Variants in SLC39A14 observed in about 807,000 individuals in gnomAD.
The protein encoded by SLC39A14 is solute carrier family 39 member 14, also known as metal cation symporter ZIP14.
SLC39A14 carries 19 observed loss-of-function variants against 45.5 expected under a neutral mutation model. The observed-to-expected ratio is 0.42, with a 90% CI of 0.29 to 0.61. The LOEUF is 0.61. SLC39A14 is among the 20% of genes least tolerant of loss of function. The pLI is 0.22. For missense variants in SLC39A14, 447 were observed against 616.5 expected, an observed-to-expected ratio of 0.73 and a Z score of 2.91; for synonymous variants, 264 against 251.3, an observed-to-expected ratio of 1.05 and a Z score of -0.48.
chr8:22,408,778 T>C (rs1174958824), intron 3 of SLC39A14, among the ~76,000 whole-genome samples: 1 of 152,062 alleles, frequency 6.6e-6, no homozygotes, highest in African/African-American at 2.4e-5. Flanking sequence ...GCTTTTTGTT[T>C]CATGTTGAAC....
intron 8 of SLC39A14, among the ~76,000 whole-genome samples, chr8:22,419,216 G>A (rs559173045): frequency 4.0e-5 from 6 of 151,876 alleles, no homozygotes; most frequent in African/African-American, 1.5e-4. Context: ...ATGGAGTCTC[G>A]CTCTGTTGCC....
At chr8:22,384,776 A>G (rs1586659468) in intron 1 of SLC39A14, among the ~76,000 whole-genome samples, 3 of 133,852 alleles carry the variant, frequency 2.2e-5, no homozygotes, top group African/African-American at 5.7e-5. Context: ...TTGGCCGGGC[A>G]CGGTGGCTCA....
chr8:22,397,470 C>T (rs1402669399), intron 1 of SLC39A14, among the ~76,000 whole-genome samples: 2 of 151,948 alleles, frequency 1.3e-5, no homozygotes, highest in Non-Finnish European at 2.9e-5. Flanking sequence ...CCCAGCTACT[C>T]GGGAGGCTGA....
intron 1 of SLC39A14, among the ~76,000 whole-genome samples, chr8:22,401,297 T>C (rs1834837575): frequency 6.6e-6 from 1 of 152,172 alleles, no homozygotes; most frequent in South Asian, 2.1e-4. Flanking sequence ...CCTCAGGGCA[T>C]GTGATGCACT....
intron 1 of SLC39A14, among the ~76,000 whole-genome samples, chr8:22,389,145 C>T (rs369979617): frequency 1.3e-5 from 2 of 152,268 alleles, no homozygotes; most frequent in Non-Finnish European, 1.5e-5. Context: ...GGTAGCCCTC[C>T]GACTTCAGTG....
chr8:22,394,637 A>G (rs533843590), intron 1 of SLC39A14, among the ~76,000 whole-genome samples: 1 of 152,130 alleles, frequency 6.6e-6, no homozygotes, highest in African/African-American at 2.4e-5. Context: ...ATTATTTCTT[A>G]TAGGAAGGGT....
Position 22,421,511 on chromosome 8 carries a change from GT to G in SLC39A14, c.*1817del. 1 of 985,606 alleles carries G rather than the reference GT, an allele frequency of 1.0e-6. No individual in the cohort carries two copies. Among genetic ancestry groups the G allele is most frequent in the Non-Finnish European group, 1.2e-6 (1 of 829,772 alleles). 61.1% of individuals were successfully genotyped at this position (985,606 alleles called of 1,614,324 possible). Reference sequence around the variant, plus strand: ...GATTTCCTGGTGGGATTATGGTCCAGTTTTACCAAAGAACCAATTCCTTGAA... The same window carrying G: ...GATTTCCTGGTGGGATTATGGTCCAGTTTACCAAAGAACCAATTCCTTGAA... On this transcript the variant is annotated 3_prime_UTR_variant, in exon 9 of 9. Transcript: ENST00000381237.
rs1836213478 is a variant in SLC39A14, at chr8:22,421,278, A to AT, written c.*1581dup. 9.1e-6 allele frequency: 9 copies of AT among 985,874 alleles called. No individual in the cohort carries two copies. The South Asian group carries it at 3.3e-4, about 36-fold the overall frequency. 61.1% of individuals were successfully genotyped at this position (985,874 alleles called of 1,614,324 possible). A position where few individuals can be genotyped will look rare whatever the true frequency, so the allele number is the denominator to read the frequency against. On this transcript the variant is annotated 3_prime_UTR_variant, in exon 9 of 9. Coordinates refer to ENST00000381237, the MANE Select transcript of SLC39A14 (RefSeq NM_001128431.4). ...ATAGAAAAACTGTCCGCTCTCAGTA[A>AT]TCACAAGCAGCATCCGTTTTGTTTT... is the stretch of plus-strand genomic sequence containing the variant.
At chr8:22,414,697 A>G in intron 4 of SLC39A14, 83 bp from the exon 5 acceptor site, 2 of 1,424,320 alleles carry the variant, frequency 1.4e-6, no homozygotes, top group South Asian at 2.7e-5. Context: ...CCTAGAGTCA[A>G]GGAAGTAGTT....
chr8:22,408,438 G>A lies in SLC39A14; in HGVS notation c.399G>A (p.Glu133=). 3.7e-6 allele frequency: 6 copies of A among 1,614,218 alleles called. No homozygotes were observed. Among genetic ancestry groups the A allele is most frequent in the African/African-American group, 1.3e-5 (1 of 75,064 alleles). The change falls in exon 3 of 9, where the codon GAG becomes GAA. Residue 133 remains glutamate (E), a synonymous_variant. Transcript: ENST00000381237. ...QQLDSRACTS[E]NQENEENEQT... ...TGGATTCCCGGGCCTGCACCTCGGAGAACCAGGAAAACGAGGAGAATGAGC... is the reference window on the plus strand; with the variant it reads ...TGGATTCCCGGGCCTGCACCTCGGAAAACCAGGAAAACGAGGAGAATGAGC...
intron 5 of SLC39A14, 44 bp downstream of exon 5, chr8:22,414,946 A>G (rs772964741): frequency 6.2e-7 from 1 of 1,600,748 alleles, no homozygotes; most frequent in South Asian, 1.1e-5. Flanking sequence ...TAGGGAAAAC[A>G]CCCATCTCAA....
chr8:22,416,704 G>C (rs1835906478), intron 7 of SLC39A14, among the ~76,000 whole-genome samples: 1 of 151,852 alleles, frequency 6.6e-6, no homozygotes, highest in Non-Finnish European at 1.5e-5. Flanking sequence ...CAAAGTGCTG[G>C]GATTACAGGC....
At chr8:22,375,259 T>TTAAC (rs879614217) in intron 1 of SLC39A14, among the ~76,000 whole-genome samples, 33,733 of 152,052 alleles carry the variant, frequency 0.22, 4,723 homozygotes, top group East Asian at 0.52. Context: ...TTTGGTATTT[T>TTAAC]TGTCGACTTT....
chr8:22,407,741 C>G (rs536846063), intron 2 of SLC39A14, among the ~76,000 whole-genome samples: 1 of 149,210 alleles, frequency 6.7e-6, no homozygotes, highest in Non-Finnish European at 1.5e-5. Flanking sequence ...GGGTGTTGCT[C>G]TGTCACCCAG....
Position 22,421,864 on chromosome 8 carries a change from T to G in SLC39A14, c.*2166T>G. ...AAATTGAAAAATGAAATAGGGTGTT[T>G]TCCCTTTTTGTGCACACCTATATTA... On this transcript the variant is annotated 3_prime_UTR_variant, in exon 9 of 9. Coordinates refer to ENST00000381237, the MANE Select transcript of SLC39A14 (RefSeq NM_001128431.4). 1 of 985,430 alleles carries G rather than the reference T, an allele frequency of 1.0e-6. No individual in the cohort carries two copies. The highest frequency in any genetic ancestry group is 1.2e-6 in the Non-Finnish European group (1 of 829,912). 61.0% of individuals were successfully genotyped at this position (985,430 alleles called of 1,614,324 possible). A position where few individuals can be genotyped will look rare whatever the true frequency, so the allele number is the denominator to read the frequency against.
At chr8:22,409,643 A>T (rs968073478) in intron 3 of SLC39A14, among the ~76,000 whole-genome samples, 1 of 151,868 alleles carries the variant, frequency 6.6e-6, no homozygotes, top group African/African-American at 2.4e-5. Flanking sequence ...CAGCCTCCCA[A>T]AGTGCTGGGA....
chr8:22,427,438 A>C (rs956260730), downstream of SLC39A14, among the ~76,000 whole-genome samples: 1 of 152,210 alleles, frequency 6.6e-6, no homozygotes, highest in Non-Finnish European at 1.5e-5. Flanking sequence ...GAAGGAAAAC[A>C]ACTAATTCAA....
chr8:22,417,030 G>T (rs1371502308), intron 7 of SLC39A14, among the ~76,000 whole-genome samples: 1 of 152,178 alleles, frequency 6.6e-6, no homozygotes, highest in African/African-American at 2.4e-5. Flanking sequence ...TGAACCAGGG[G>T]GTAGGAGGGA....
At chr8:22,415,022 C>A in intron 5 of SLC39A14, 120 bp downstream of exon 5, 2 of 1,225,754 alleles carry the variant, frequency 1.6e-6, no homozygotes, top group Non-Finnish European at 2.3e-6. Flanking sequence ...TTCCGTGAAA[C>A]TCTAATTTCT....
Sources: gnomAD v4.1 joint callset for allele counts (sites outside exome capture counted in the v4.1 genomes callset) on GRCh38, gnomAD v4.1.1 for gene constraint, MANE v1.5 for transcripts, NCBI Gene and HGNC (gene_info 2026-07-23, HGNC 2026-07-21) for gene names.